The following OSBPL10 variants were observed in gnomAD, a reference collection of about 807,000 sequenced individuals.
OSBPL10 encodes oxysterol binding protein like 10, also known as oxysterol-binding protein-related protein 10.
Under a neutral mutation model 81.7 loss-of-function variants are expected in OSBPL10, and 49 were observed. That is an observed-to-expected ratio of 0.60 (90% CI 0.48 to 0.76). The LOEUF (loss-of-function observed/expected upper bound fraction) is 0.76, where lower values mean the gene tolerates loss of function less well. Ranked by LOEUF, OSBPL10 falls within the 30% of genes least tolerant of loss-of-function variation. The probability of loss-of-function intolerance (pLI) is 0.00; values close to 1 mark genes in which losing one functional copy is unlikely to be tolerated. For synonymous variants in OSBPL10, 419 were observed against 383.6 expected, an observed-to-expected ratio of 1.09 and a Z score of -1.08; for missense variants, 923 against 987.8, an observed-to-expected ratio of 0.93 and a Z score of 0.88.
chr3:31,959,059 C>A (rs1480346803), intron 1 of OSBPL10, among the ~76,000 whole-genome samples: 2 of 152,142 alleles, frequency 1.3e-5, no homozygotes, highest in African/African-American at 4.8e-5. Context: ...TCCAAAGTAG[C>A]AGTTCAAGAG....
chr3:32,022,863 C>G (rs1699372769), intron 2 of OSBPL10, among the ~76,000 whole-genome samples: 1 of 152,134 alleles, frequency 6.6e-6, no homozygotes. Context: ...TAATTCTGGC[C>G]TGGGAGTGTG....
At chr3:32,016,362 C>T (rs1030076134) in intron 2 of OSBPL10, among the ~76,000 whole-genome samples, 6 of 152,038 alleles carry the variant, frequency 3.9e-5, no homozygotes, top group Admixed American at 3.3e-4. Flanking sequence ...AACCAAACAC[C>T]GCATGTTCTC....
chr3:31,796,994 T>A (rs1699238567), intron 4 of OSBPL10, among the ~76,000 whole-genome samples: 3 of 13,980 alleles, frequency 2.1e-4, no homozygotes, highest in Admixed American at 7.9e-4. Flanking sequence ...TTTTTATTAA[T>A]TTTTTTTTTT....
At chr3:31,694,370 C>CAAAAAA (rs747631578) in intron 7 of OSBPL10, among the ~76,000 whole-genome samples, 1 of 62,826 alleles carries the variant, frequency 1.6e-5, no homozygotes, top group Non-Finnish European at 2.6e-5. Context: ...GACTCTGTCT[C>CAAAAAA]AAAAAAAAAA....
chr3:31,895,257 G>A (rs1390433733), intron 1 of OSBPL10, among the ~76,000 whole-genome samples: 3 of 148,496 alleles, frequency 2.0e-5, no homozygotes, highest in Admixed American at 6.8e-5. Context: ...TCAGCCTCCC[G>A]AGTAGCTGGG....
intron 1 of OSBPL10, among the ~76,000 whole-genome samples, chr3:31,977,076 C>T (rs1410018450): frequency 6.6e-6 from 1 of 152,114 alleles, no homozygotes; most frequent in East Asian, 1.9e-4. Context: ...GGGTAAGCAC[C>T]TCAAACTGAA....
At chr3:32,073,231 C>T (rs1195185855) in intron 1 of OSBPL10, among the ~76,000 whole-genome samples, 2 of 152,162 alleles carry the variant, frequency 1.3e-5, no homozygotes, top group Non-Finnish European at 2.9e-5. Context: ...AACTATCTTC[C>T]AGTCCTCCAG....
chr3:31,856,949 A>G (rs376358270), intron 3 of OSBPL10, among the ~76,000 whole-genome samples: 96 of 152,216 alleles, frequency 6.3e-4, no homozygotes, highest in African/African-American at 2.3e-3. Context: ...GGTGGCGGGC[A>G]CCTGTATTCC....
Position 32,043,327 on chromosome 3 carries a change from T to C in OSBPL10, n.298+3164A>G, listed in dbSNP as rs972166457. On this transcript the variant is annotated intron_variant and non_coding_transcript_variant, in intron 2 of 3. Coordinates refer to the OSBPL10 transcript ENST00000479173. ...CCCTGCAGGCAGTCAGACCTTATGG[T>C]TGTCTTCCCTTGTTCCCTGAAAATC... Among the ~76,000 whole-genome samples, 5 of 152,300 alleles carry C rather than the reference T, an allele frequency of 3.3e-5. No homozygotes were observed. The East Asian group carries it at 9.6e-4, about 29-fold the overall frequency.
chr3:31,988,101 T>C (rs185457984), intron 2 of OSBPL10, among the ~76,000 whole-genome samples: 62 of 152,360 alleles, frequency 4.1e-4, no homozygotes, highest in Non-Finnish European at 7.3e-4. Context: ...AAAATTGCCT[T>C]GGACCACTGA....
At chr3:31,859,085 T>G (rs1457089636) in intron 3 of OSBPL10, among the ~76,000 whole-genome samples, 1 of 152,220 alleles carries the variant, frequency 6.6e-6, no homozygotes, top group African/African-American at 2.4e-5. Flanking sequence ...CTAAGAGACA[T>G]TACTCGTTTA....
At chr3:32,005,705 A>G (rs1282159756) in intron 2 of OSBPL10, among the ~76,000 whole-genome samples, 1 of 151,972 alleles carries the variant, frequency 6.6e-6, no homozygotes, top group Non-Finnish European at 1.5e-5. Context: ...CTCCTGCCTC[A>G]GCCTCCTGAG....
chr3:31,701,831 T>C (rs186043304), intron 7 of OSBPL10: 62 of 154,152 alleles, frequency 4.0e-4, no homozygotes, highest in Non-Finnish European at 4.3e-4. Flanking sequence ...GTTCCACTTC[T>C]ACCTATGGCA....
chr3:31,805,669 A>T (rs1410411623), intron 4 of OSBPL10, among the ~76,000 whole-genome samples: 1 of 152,252 alleles, frequency 6.6e-6, no homozygotes, highest in Non-Finnish European at 1.5e-5. Context: ...AATAAAGAGC[A>T]ATCTTCCACA....
chr3:31,928,925 T>A (rs1161861526), intron 1 of OSBPL10, among the ~76,000 whole-genome samples: 1 of 152,202 alleles, frequency 6.6e-6, no homozygotes, highest in Non-Finnish European at 1.5e-5. Flanking sequence ...TCTAGGTTTA[T>A]TAAATATTGA....
intron 4 of OSBPL10, among the ~76,000 whole-genome samples, chr3:31,755,421 G>A (rs2125711099): frequency 6.6e-6 from 1 of 152,306 alleles, no homozygotes; most frequent in East Asian, 1.9e-4. Context: ...TTTGGTAATA[G>A]AATCTATTCT....
chr3:31,662,766 C>CTTG, intron 11 of OSBPL10: 3 of 985,336 alleles, frequency 3.0e-6, no homozygotes, highest in South Asian at 9.4e-5. Flanking sequence ...AATGTTTTTT[C>CTTG]TTGTTGTTGT....
chr3:31,841,238 G>A (rs530668481), intron 3 of OSBPL10, among the ~76,000 whole-genome samples: 1 of 152,348 alleles, frequency 6.6e-6, no homozygotes, highest in South Asian at 2.1e-4. Context: ...AATATGTTTA[G>A]ATCCTGTCTT....
At chr3:31,714,430 AAGAG>A (rs900126030) in intron 6 of OSBPL10, among the ~76,000 whole-genome samples, 3 of 152,094 alleles carry the variant, frequency 2.0e-5, no homozygotes, top group Non-Finnish European at 2.9e-5. Flanking sequence ...GCAGGTAAGG[AAGAG>A]AGAGAGAAAG....
Sources: gnomAD v4.1 joint callset for allele counts (sites outside exome capture counted in the v4.1 genomes callset) on GRCh38, gnomAD v4.1.1 for gene constraint, MANE v1.5 for transcripts, NCBI Gene and HGNC (gene_info 2026-07-23, HGNC 2026-07-21) for gene names.